The following SLC37A3 variants were observed in gnomAD, a reference collection of about 807,000 sequenced individuals.
SLC37A3 encodes sugar phosphate exchanger 3.
SLC37A3 carries 51 observed loss-of-function variants against 67.1 expected under a neutral mutation model. The observed-to-expected ratio is 0.76, with a 90% CI of 0.61 to 0.96. SLC37A3 has a LOEUF of 0.96. Ranked by LOEUF, SLC37A3 falls within the 40% of genes least tolerant of loss-of-function variation. The pLI is 0.00. For missense variants in SLC37A3, 508 were observed against 603.0 expected (o/e 0.84, Z 1.65); for synonymous variants, 214 against 231.4 (o/e 0.92, Z 0.68).
chr7:140,362,419 G>T (rs1446592245), intron 5 of SLC37A3, among the ~76,000 whole-genome samples: 96 of 8,948 alleles, frequency 0.011, 1 homozygote, highest in African/African-American at 0.024. Context: ...GGAGGGAGGT[G>T]GGGGGGGGGG....
Position 140,343,439 on chromosome 7 carries a change from C to T in SLC37A3, c.1299G>A (p.Ser433=), listed in dbSNP as rs148095556. Residue 433 remains serine (S), a synonymous_variant, in exon 13 of 15, where the codon TCG becomes TCA. Coordinates refer to ENST00000326232, the MANE Select transcript of SLC37A3 (RefSeq NM_207113.3). ...GGCCCACTGCAGCTCCAATGCTCCC[C>T]GAACCATCCACAATTCCTGTGACAG... is the stretch of plus-strand genomic sequence containing the variant. The part of the protein sequence containing the change: ...LATVTGIVDG[S]GSIGAAVGQY... The T allele has an allele frequency of 7.4e-6, 12 of 1,613,826 alleles. No individual in the cohort carries two copies. Among genetic ancestry groups the T allele is most frequent in the Admixed American group, 3.3e-5 (2 of 59,994 alleles).
chr7:140,351,509 G>A, intron 8 of SLC37A3, 58 bp from the exon 9 acceptor site: 1 of 1,494,270 alleles, frequency 6.7e-7, no homozygotes, highest in South Asian at 1.2e-5. Context: ...GAAGGGCTCT[G>A]CATACATCCC....
chr7:140,347,218 C>T (rs143207631), intron 10 of SLC37A3, among the ~76,000 whole-genome samples: 8 of 140,182 alleles, frequency 5.7e-5, no homozygotes, highest in African/African-American at 1.7e-4. Context: ...GCCACTCCAG[C>T]GTGGGCGACA....
At chr7:140,363,711 A>T (rs953079870) in intron 5 of SLC37A3, among the ~76,000 whole-genome samples, 1 of 127,354 alleles carries the variant, frequency 7.9e-6, no homozygotes, top group Non-Finnish European at 1.7e-5. Context: ...TAAATAAAAA[A>T]ATAAAAAAAA....
chr7:140,349,541 G>GT (rs1796709746), intron 9 of SLC37A3, among the ~76,000 whole-genome samples: 2 of 151,158 alleles, frequency 1.3e-5, no homozygotes, highest in Admixed American at 6.6e-5. Flanking sequence ...AGGAAAAAGG[G>GT]GGGGGGGACA....
chr7:140,396,996 TC>T (rs1798958942), intron 1 of SLC37A3, among the ~76,000 whole-genome samples: 1 of 148,238 alleles, frequency 6.7e-6, no homozygotes, highest in African/African-American at 2.5e-5. Flanking sequence ...GGTCAGGAGA[TC>T]CAGATCATCA....
chr7:140,336,038 C>A (rs1382480398), intron 14 of SLC37A3, among the ~76,000 whole-genome samples: 1 of 152,204 alleles, frequency 6.6e-6, no homozygotes, highest in Non-Finnish European at 1.5e-5. Flanking sequence ...GTGGAAGCTG[C>A]CTTCAATTAC....
At chr7:140,371,371 G>C (rs1448734801) in intron 3 of SLC37A3, among the ~76,000 whole-genome samples, 5 of 151,756 alleles carry the variant, frequency 3.3e-5, no homozygotes, top group African/African-American at 9.7e-5. Flanking sequence ...ACGGGGTTTC[G>C]CCATGTTGGC....
At chr7:140,335,994 C>A (rs1012568511) in intron 14 of SLC37A3, among the ~76,000 whole-genome samples, 3 of 152,220 alleles carry the variant, frequency 2.0e-5, no homozygotes, top group African/African-American at 7.2e-5. Context: ...GCTCCTTGAC[C>A]ACAGCAAGAG....
At chr7:140,387,800 A>T (rs1159854739) in intron 1 of SLC37A3, among the ~76,000 whole-genome samples, 4 of 69,652 alleles carry the variant, frequency 5.7e-5, no homozygotes, top group Non-Finnish European at 7.3e-5. Flanking sequence ...TATTATATAT[A>T]TTATACATAA....
At chr7:140,341,546 G>A (rs1416353651) in intron 13 of SLC37A3, among the ~76,000 whole-genome samples, 1 of 152,106 alleles carries the variant, frequency 6.6e-6, no homozygotes, top group Admixed American at 6.5e-5. Context: ...GCTGATAGAG[G>A]TTAACGCTAA....
intron 3 of SLC37A3, among the ~76,000 whole-genome samples, chr7:140,372,068 T>C (rs1797843263): frequency 6.6e-6 from 1 of 152,094 alleles, no homozygotes; most frequent in African/African-American, 2.4e-5. Context: ...GTCAGGCTGG[T>C]CTCAAACTCC....
At chr7:140,380,479 A>T in intron 2 of SLC37A3, 89 bp from the exon 3 acceptor site, 1 of 915,862 alleles carries the variant, frequency 1.1e-6, no homozygotes. Context: ...TCTTTTATTC[A>T]ATTTTATTTT....
At chr7:140,341,251 G>A (rs1028042543) in intron 13 of SLC37A3, among the ~76,000 whole-genome samples, 8 of 152,098 alleles carry the variant, frequency 5.3e-5, no homozygotes, top group Non-Finnish European at 1.0e-4. Context: ...AAGTTTTAAT[G>A]TGGACATTTG....
chr7:140,387,767 TATATTATAC>T (rs1798538531), intron 1 of SLC37A3, among the ~76,000 whole-genome samples: 2 of 76,794 alleles, frequency 2.6e-5, no homozygotes, highest in Non-Finnish European at 4.7e-5. Context: ...ATATATTATA[TATATTATAC>T]ATAAATATAA....
intron 1 of SLC37A3, among the ~76,000 whole-genome samples, chr7:140,394,073 A>C (rs1035591825): frequency 6.6e-6 from 1 of 152,066 alleles, no homozygotes; most frequent in African/African-American, 2.4e-5. Context: ...CGAGAGGTGG[A>C]GGCGGGAGGA....
At chr7:140,382,655 G>A in intron 1 of SLC37A3, 59 bp from the exon 2 acceptor site, 1 of 745,014 alleles carries the variant, frequency 1.3e-6, no homozygotes, top group East Asian at 2.8e-5. Context: ...TCCAAAAACT[G>A]TATTATTTAG....
intron 5 of SLC37A3, among the ~76,000 whole-genome samples, chr7:140,359,209 G>T (rs1797162781): frequency 6.6e-6 from 1 of 152,006 alleles, no homozygotes; most frequent in South Asian, 2.1e-4. Flanking sequence ...TAGGCGTGGT[G>T]GCAGGTGCCT....
chr7:140,379,812 T>C (rs1798178882), intron 3 of SLC37A3: 1 of 151,594 alleles, frequency 6.6e-6, no homozygotes. Context: ...GAGGATCGCT[T>C]GAGCCCAGAA....
Sources: gnomAD v4.1 joint callset for allele counts (sites outside exome capture counted in the v4.1 genomes callset) on GRCh38, gnomAD v4.1.1 for gene constraint, MANE v1.5 for transcripts, NCBI Gene and HGNC (gene_info 2026-07-23, HGNC 2026-07-21) for gene names.